Variants in LRP1B observed in about 807,000 individuals in gnomAD.
LRP1B encodes LDL receptor related protein 1B.
Under a neutral mutation model 556.6 loss-of-function variants are expected in LRP1B, and 217 were observed. The ratio of observed to expected loss-of-function variants is 0.39; its 90% CI spans 0.35 to 0.44. The LOEUF (loss-of-function observed/expected upper bound fraction) is 0.44. Ranked by LOEUF, LRP1B falls within the 20% of genes least tolerant of loss-of-function variation. The pLI is 1.00. For missense variants in LRP1B, 5,053 were observed against 5,620.8 expected, an observed-to-expected ratio of 0.90 and a Z score of 3.23; for synonymous variants, 2,047 against 1,865.8, an observed-to-expected ratio of 1.10 and a Z score of -2.50.
intron 1 of LRP1B, among the ~76,000 whole-genome samples, chr2:141,817,655 A>T (rs1247990816): frequency 1.3e-5 from 2 of 152,098 alleles, no homozygotes; most frequent in East Asian, 3.8e-4. Context: ...AAATACTAAA[A>T]CTATCATCAA....
At chr2:140,733,065 C>A (rs575049320) in intron 35 of LRP1B, among the ~76,000 whole-genome samples, 1 of 151,990 alleles carries the variant, frequency 6.6e-6, no homozygotes, top group Non-Finnish European at 1.5e-5. Context: ...GAGCTATAAG[C>A]CTCATAGATC....
intron 31 of LRP1B, among the ~76,000 whole-genome samples, chr2:140,819,094 CTG>C (rs1559137772): frequency 1.3e-5 from 2 of 152,168 alleles, no homozygotes; most frequent in East Asian, 3.8e-4. Context: ...CTTGCCCTTG[CTG>C]CTCCACCATT....
At chr2:140,941,571 C>T (rs139122492) in intron 20 of LRP1B, among the ~76,000 whole-genome samples, 21 of 152,266 alleles carry the variant, frequency 1.4e-4, no homozygotes, top group Non-Finnish European at 2.5e-4. Flanking sequence ...TTCTTACATA[C>T]CATCTACTGG....
intron 43 of LRP1B, among the ~76,000 whole-genome samples, chr2:140,583,171 C>CTTTTT (rs1219194754): frequency 3.3e-4 from 16 of 48,048 alleles, no homozygotes; most frequent in African/African-American, 7.4e-4. Context: ...CCTTTTTTTT[C>CTTTTT]TTTTTTTTTT....
At chr2:140,809,792 C>G (rs1369090413) in intron 32 of LRP1B, among the ~76,000 whole-genome samples, 2 of 152,092 alleles carry the variant, frequency 1.3e-5, no homozygotes, top group African/African-American at 4.8e-5. Flanking sequence ...TTGGCTTGTG[C>G]TAAAATCTTG....
intron 2 of LRP1B, among the ~76,000 whole-genome samples, chr2:141,790,575 GA>G (rs1350946084): frequency 6.6e-6 from 1 of 151,834 alleles, no homozygotes; most frequent in East Asian, 1.9e-4. Flanking sequence ...ATTAAAAAGT[GA>G]AAAATGTTTC....
chr2:141,591,517 CAT>C (rs141100784), intron 2 of LRP1B, among the ~76,000 whole-genome samples: 4,668 of 151,872 alleles, frequency 0.031, 259 homozygotes, highest in African/African-American at 0.1. Flanking sequence ...CAATTAGAAA[CAT>C]ATTTTAATTG....
chr2:140,473,329 A>G (rs1052078831), intron 60 of LRP1B, among the ~76,000 whole-genome samples: 17 of 152,010 alleles, frequency 1.1e-4, no homozygotes, highest in Admixed American at 1.0e-3. Flanking sequence ...TTCCCATTTA[A>G]GTCTTGATGC....
At position 140,335,740 on chromosome 2, in the gene LRP1B, G is replaced by A. The variant is rs2105086724; in HGVS notation, c.11991C>T (p.Tyr3997=). 6.2e-7 allele frequency: 1 copy of A among 1,612,004 alleles called. No homozygotes were observed. Among genetic ancestry groups the A allele is most frequent in the South Asian group, 1.1e-5 (1 of 91,046 alleles). ...ACCTCAGACTGGTCCAGTGAGTAGT[G>A]TAGTAACTGAACCAATGCATTCTAG... ...DHSRMHWFSY[Y]TTHWTSLRYS... is the part of the protein sequence containing the mutation. Residue 3997 remains tyrosine (Y), a synonymous_variant, in exon 78 of 91, where the codon TAC becomes TAT. Transcript: ENST00000389484.
chr2:141,628,439 A>C (rs1291315387), intron 2 of LRP1B, among the ~76,000 whole-genome samples: 2 of 152,128 alleles, frequency 1.3e-5, no homozygotes, highest in Non-Finnish European at 2.9e-5. Flanking sequence ...TAAACAATGA[A>C]TAGGATGTAA....
chr2:141,988,178 C>A (rs1411031229), intron 1 of LRP1B, among the ~76,000 whole-genome samples: 6 of 151,766 alleles, frequency 4.0e-5, no homozygotes, highest in Non-Finnish European at 7.4e-5. Context: ...ACTGGTCAAA[C>A]CCTGCTGTTA....
At chr2:141,464,356 A>G (rs1423075159) in intron 3 of LRP1B, among the ~76,000 whole-genome samples, 2 of 151,856 alleles carry the variant, frequency 1.3e-5, no homozygotes, top group African/African-American at 4.8e-5. Context: ...GGATTTTTAG[A>G]ACAAATTGGA....
Position 140,483,576 on chromosome 2 carries a change from ATG to A in LRP1B, c.9425+1765_9425+1766del, listed in dbSNP as rs111437034. On this transcript the variant is annotated intron_variant, in intron 59 of 90. Coordinates refer to ENST00000389484, the MANE Select transcript of LRP1B (RefSeq NM_018557.3). ...CAGACACTCAAATATATATATATAT[ATG>A]TACACACACATATATATAGACACAC... 6.2e-3 allele frequency among the ~76,000 whole-genome samples: 892 copies of A among 144,932 alleles called. 11 individuals are homozygous for A. Among genetic ancestry groups the A allele is most frequent in the African/African-American group, 0.02 (789 of 39,548 alleles).
At chr2:141,000,866 T>C (rs948953739) in intron 15 of LRP1B, among the ~76,000 whole-genome samples, 6 of 151,854 alleles carry the variant, frequency 4.0e-5, no homozygotes, top group Non-Finnish European at 8.8e-5. Flanking sequence ...TTCCCTGTAG[T>C]CTACAATGTT....
At chr2:140,286,055 G>C (rs1683137890) in intron 84 of LRP1B, among the ~76,000 whole-genome samples, 1 of 151,726 alleles carries the variant, frequency 6.6e-6, no homozygotes, top group Admixed American at 6.6e-5. Flanking sequence ...AAATAAAACA[G>C]TACAATAAGA....
At chr2:140,777,792 A>G (rs1319102486) in intron 32 of LRP1B, among the ~76,000 whole-genome samples, 1 of 152,160 alleles carries the variant, frequency 6.6e-6, no homozygotes, top group Non-Finnish European at 1.5e-5. Context: ...ATTACAAAAG[A>G]AGAGTCTTTA....
chr2:141,137,608 C>A (rs777907410), intron 7 of LRP1B, among the ~76,000 whole-genome samples: 14 of 151,862 alleles, frequency 9.2e-5, no homozygotes, highest in Non-Finnish European at 1.0e-4. Flanking sequence ...TAAATATATA[C>A]AATTGTATTG....
At chr2:141,411,924 T>C (rs1690867288) in intron 3 of LRP1B, among the ~76,000 whole-genome samples, 1 of 152,138 alleles carries the variant, frequency 6.6e-6, no homozygotes, top group Non-Finnish European at 1.5e-5. Context: ...GAATTTGATT[T>C]TGAATCAGAA....
At chr2:140,469,680 A>G (rs1302245770) in intron 60 of LRP1B, among the ~76,000 whole-genome samples, 2 of 152,170 alleles carry the variant, frequency 1.3e-5, no homozygotes, top group African/African-American at 2.4e-5. Flanking sequence ...TATGGATTCA[A>G]CTTTATTTGT....
Sources: gnomAD v4.1 joint callset for allele counts (sites outside exome capture counted in the v4.1 genomes callset) on GRCh38, gnomAD v4.1.1 for gene constraint, MANE v1.5 for transcripts, NCBI Gene and HGNC (gene_info 2026-07-23, HGNC 2026-07-21) for gene names.